The following CCT5 variants were observed in gnomAD, a reference collection of about 807,000 sequenced individuals.
CCT5 encodes chaperonin containing TCP1 subunit 5.
CCT5 carries 6 observed loss-of-function variants against 55.0 expected under a neutral mutation model. The observed-to-expected ratio is 0.11, with a 90% CI of 0.06 to 0.22. CCT5 has a LOEUF of 0.22. Among genes scored for constraint, CCT5 ranks in the 10% least tolerant of loss-of-function variants. CCT5 has a pLI of 1.00. For missense variants in CCT5, 560 were observed against 694.6 expected (o/e 0.81, Z 2.18); for synonymous variants, 231 against 243.7 (o/e 0.95, Z 0.49).
At chr5:10,255,194 G>A (rs1745612386) in intron 3 of CCT5, among the ~76,000 whole-genome samples, 1 of 152,184 alleles carries the variant, frequency 6.6e-6, no homozygotes, top group Admixed American at 6.5e-5. Flanking sequence ...TATTGCAGAT[G>A]TGTAGGAGAA....
In CCT5 at chr5:10,254,735, C is replaced by G. The variant is rs144956806; in HGVS notation, c.228C>G (p.Thr76=). ...GDVTVTNDGA[T]ILSMMDVDHQ... ...TGACTGTAACTAATGATGGGGCCAC[C>G]ATCTTAAGCATGATGGATGTTGATC... Residue 76 remains threonine, a synonymous_variant, in exon 3 of 11, where the codon ACC becomes ACG. Coordinates refer to ENST00000280326, the MANE Select transcript of CCT5 (RefSeq NM_012073.5). 6.2e-7 allele frequency: 1 copy of G among 1,613,134 alleles called. No individual in the cohort carries two copies. The highest frequency in any genetic ancestry group is 1.3e-5 in the African/African-American group (1 of 74,998).
chr5:10,250,797 G>A, intron 1 of CCT5: 1 of 1,162,366 alleles, frequency 8.6e-7, no homozygotes, highest in Non-Finnish European at 1.1e-6. Context: ...GAGGGCGCCG[G>A]GGAGATGCTC....
intron 10 of CCT5, 135 bp downstream of exon 10, chr5:10,263,449 A>G (rs1746076785): frequency 1.1e-5 from 9 of 789,738 alleles, no homozygotes; most frequent in Non-Finnish European, 1.2e-5. Context: ...CAAGTCCTGA[A>G]TTTTAGAATG....
intron 6 of CCT5, 108 bp downstream of exon 6, chr5:10,258,643 A>G: frequency 9.7e-7 from 1 of 1,031,368 alleles, no homozygotes; most frequent in Non-Finnish European, 1.5e-6. Context: ...AAACATACAC[A>G]GGAAAAAACC....
chr5:10,256,304 A>C, intron 4 of CCT5, 151 bp downstream of exon 4: 1 of 716,096 alleles, frequency 1.4e-6, no homozygotes, highest in Non-Finnish European at 2.5e-6. Flanking sequence ...TTTAATGTAG[A>C]TGTAGACAGA....
chr5:10,260,744 A>G (rs775108998), intron 6 of CCT5, 48 bp from the exon 7 acceptor site: 3 of 1,608,250 alleles, frequency 1.9e-6, no homozygotes, highest in African/African-American at 1.3e-5. Context: ...GTAATGAAGA[A>G]TAAATACCCA....
intron 4 of CCT5, among the ~76,000 whole-genome samples, chr5:10,257,090 C>A (rs545770613): frequency 5.0e-4 from 76 of 152,284 alleles, no homozygotes; most frequent in African/African-American, 1.8e-3. Flanking sequence ...GAGATGTTTT[C>A]AATTGTGTGC....
chr5:10,250,334 T>A lies in CCT5; in HGVS notation c.-7T>A, dbSNP rs765119658. 17 of 1,613,902 alleles carry A rather than the reference T, an allele frequency of 1.1e-5. No homozygotes were observed. The East Asian group carries it at 3.6e-4, about 34-fold the overall frequency. On this transcript the variant is annotated 5_prime_UTR_variant, in exon 1 of 11. It adds an upstream start codon to the 5' untranslated region. Coordinates refer to ENST00000280326, the MANE Select transcript of CCT5 (RefSeq NM_012073.5). ...GGTTGGGGGGAAGTAATTCCGGTTG[T>A]TGCACCATGGCGTCCATGGGGACCC...
At chr5:10,259,140 G>T (rs1311944811) in intron 6 of CCT5, among the ~76,000 whole-genome samples, 1 of 152,146 alleles carries the variant, frequency 6.6e-6, no homozygotes, top group African/African-American at 2.4e-5. Flanking sequence ...TACCTTTTAG[G>T]CAAGAGTTAA....
intron 8 of CCT5, 110 bp from the exon 9 acceptor site, chr5:10,262,371 C>T: frequency 2.6e-6 from 3 of 1,136,350 alleles, no homozygotes; most frequent in Non-Finnish European, 4.0e-6. Context: ...TAGTGGAGGC[C>T]ATCTAAATAT....
chr5:10,263,079 C>A (rs115855105), intron 9 of CCT5, 55 bp from the exon 10 acceptor site: 8 of 1,456,472 alleles, frequency 5.5e-6, no homozygotes, highest in Non-Finnish European at 7.7e-6. Context: ...TTCACGGTGC[C>A]GCTGGGTTGT....
chr5:10,250,554 G>A, intron 1 of CCT5, 109 bp downstream of exon 1: 1 of 1,533,266 alleles, frequency 6.5e-7, no homozygotes, highest in South Asian at 1.2e-5. Flanking sequence ...CCCCGGAAAG[G>A]TCGAGAATCT....
At chr5:10,264,311 C>T (rs1250036035) in intron 10 of CCT5, among the ~76,000 whole-genome samples, 3 of 152,086 alleles carry the variant, frequency 2.0e-5, no homozygotes, top group Non-Finnish European at 4.4e-5. Flanking sequence ...AAATATCTTA[C>T]ATTTCAGCTG....
rs777600763 is a variant in CCT5, at chr5:10,258,546, C to T, written c.873+11C>T. The stretch of plus-strand genomic sequence containing the variant: ...GAGATGATTCAACAAGTAAGTCTTA[C>T]CAGAGTCCTCAGTGGAATTTAAACT... On this transcript the variant is annotated intron_variant, in intron 6 of 10. Coordinates refer to ENST00000280326, the MANE Select transcript of CCT5 (RefSeq NM_012073.5). 1.2e-6 allele frequency: 2 copies of T among 1,609,832 alleles called. No homozygotes were observed. Among genetic ancestry groups the T allele is most frequent in the Non-Finnish European group, 1.7e-6 (2 of 1,176,420 alleles).
At chr5:10,254,078 C>A in intron 1 of CCT5, 67 bp from the exon 2 acceptor site, 3 of 1,029,992 alleles carry the variant, frequency 2.9e-6, no homozygotes, top group Non-Finnish European at 4.6e-6. Context: ...TTGTAGTCAT[C>A]AGATGTGTGC....
In CCT5 at chr5:10,250,565, C is replaced by T. The variant is rs1405813814; in HGVS notation, c.105+120C>T. On this transcript the variant is annotated intron_variant, in intron 1 of 10. Coordinates refer to ENST00000280326, the MANE Select transcript of CCT5 (RefSeq NM_012073.5). ...TGCTCCCCGGAAAGGTCGAGAATCT[C>T]CGTCTCCCTGCGGTCTCCGGCCGCT... The T allele has an allele frequency of 3.9e-6, 6 of 1,520,632 alleles. No homozygotes were observed. In the South Asian group the frequency reaches 4.9e-5, roughly 12 times the overall value. The allele number at this position is 1,520,632 out of a possible 1,614,324, so 94.2% of individuals were successfully genotyped here.
chr5:10,250,912 G>A (rs561435528), intron 1 of CCT5: 48 of 996,020 alleles, frequency 4.8e-5, no homozygotes, highest in East Asian at 1.1e-4. Context: ...ACTTAACAGG[G>A]TATTTCATTT....
At chr5:10,263,425 C>T in intron 10 of CCT5, 111 bp downstream of exon 10, 1 of 1,007,930 alleles carries the variant, frequency 9.9e-7, no homozygotes, top group Non-Finnish European at 1.5e-6. Flanking sequence ...ATATGTAAGC[C>T]CACTTCAGGT....
chr5:10,251,520 G>A (rs1285012921), intron 1 of CCT5, among the ~76,000 whole-genome samples: 1 of 152,144 alleles, frequency 6.6e-6, no homozygotes, highest in Non-Finnish European at 1.5e-5. Flanking sequence ...AGGTGTCCCT[G>A]TTCACTTAGT....
Sources: gnomAD v4.1 joint callset for allele counts (sites outside exome capture counted in the v4.1 genomes callset) on GRCh38, gnomAD v4.1.1 for gene constraint, MANE v1.5 for transcripts, NCBI Gene and HGNC (gene_info 2026-07-23, HGNC 2026-07-21) for gene names.